Variants in NCKAP5L observed in about 807,000 individuals in gnomAD.
NCKAP5L encodes the protein NCK associated protein 5 like, also known as nck-associated protein 5-like.
In NCKAP5L, 54 loss-of-function variants were observed where a neutral mutation model predicts 103.2. The observed-to-expected ratio is 0.52, with a 90% confidence interval of 0.42 to 0.66. NCKAP5L has a LOEUF of 0.66. NCKAP5L is among the 30% of genes least tolerant of loss of function. The pLI is 0.00. For synonymous variants in NCKAP5L, 762 were observed against 748.6 expected (o/e 1.02, Z -0.29); for missense variants, 1,733 against 1,750.6 (o/e 0.99, Z 0.18).
intron 1 of NCKAP5L, among the ~76,000 whole-genome samples, chr12:49,822,575 G>T (rs1946373072): frequency 6.7e-6 from 1 of 149,880 alleles, no homozygotes; most frequent in African/African-American, 2.5e-5. Flanking sequence ...TTGAGACAGG[G>T]TCTCACTGTT....
chr12:49,798,520 C>T, intron 6 of NCKAP5L, 57 bp from the exon 7 acceptor site: 3 of 1,403,026 alleles, frequency 2.1e-6, no homozygotes, highest in Non-Finnish European at 3.0e-6. Context: ...CTCCCTACTC[C>T]CTCGCAAAGC....
intron 5 of NCKAP5L, 138 bp from the exon 6 acceptor site, chr12:49,802,105 T>C: frequency 1.0e-6 from 1 of 968,268 alleles, no homozygotes; most frequent in Non-Finnish European, 1.5e-6. Context: ...GCAACCTCCT[T>C]CTATGAGGAA....
At chr12:49,823,752 G>T (rs1346933230) in intron 1 of NCKAP5L, among the ~76,000 whole-genome samples, 1 of 152,114 alleles carries the variant, frequency 6.6e-6, no homozygotes, top group Non-Finnish European at 1.5e-5. Context: ...AGCTGCTGGT[G>T]CTGGGTTTTA....
Position 49,792,927 on chromosome 12 carries a change from G to A in NCKAP5L, c.3400C>T (p.His1134Tyr), listed in dbSNP as rs749948739. The A allele has an allele frequency of 1.2e-5, 19 of 1,555,312 alleles. No individual in the cohort carries two copies. The African/African-American group carries it at 2.4e-4, about 20-fold the overall frequency. ...TTGCTGGGGGTCCCACTGCTACCAT[G>A]GTCTGGGGGTGGGAAGGTCCCAATG... ...SGIGTFPPPD[H>Y]GSSGTPSKNL... The change falls in exon 11 of 13, where the codon CAT (histidine) becomes TAT (tyrosine). Residue 1134 changes from histidine (H) to tyrosine (Y), a missense_variant. His to Tyr is a moderately conservative substitution (Grantham distance 83). Transcript: ENST00000335999. This position sits in a 1 kb window ranked among gnomAD's most constrained non-coding sequence, Gnocchi z 4.5.
At position 49,796,543 on chromosome 12, in the gene NCKAP5L, AG is replaced by A; in HGVS notation, c.1316del (p.Pro439LeufsTer21). On this transcript the variant is annotated frameshift_variant, in exon 8 of 13. Transcript: ENST00000335999. LOFTEE classifies it high-confidence loss of function. The part of the protein sequence containing the change: ...QVKSKLQIGP[P>X]SPGEAQGPLL... ...GGGGTCCCTGAGCTTCCCCAGGAGA[AG>A]GGGGGCCAATTTGGAGCTTGCTTTT... 2.5e-6 allele frequency: 4 copies of A among 1,586,938 alleles called. No individual in the cohort carries two copies. Among genetic ancestry groups the A allele is most frequent in the South Asian group, 1.2e-5 (1 of 86,878 alleles).
intron 1 of NCKAP5L, among the ~76,000 whole-genome samples, chr12:49,818,131 T>C: frequency 6.7e-6 from 1 of 148,264 alleles, no homozygotes; most frequent in East Asian, 2.0e-4. Context: ...GGCTGTGTCT[T>C]GGAAAAAAAA....
chr12:49,810,977 C>A (rs1240488899), intron 1 of NCKAP5L, among the ~76,000 whole-genome samples: 1 of 152,056 alleles, frequency 6.6e-6, no homozygotes, highest in African/African-American at 2.4e-5. Flanking sequence ...AATGAACATG[C>A]TTAGTCTGTA....
chr12:49,800,270 C>T (rs1381295775), intron 6 of NCKAP5L, among the ~76,000 whole-genome samples: 1 of 152,250 alleles, frequency 6.6e-6, no homozygotes, highest in East Asian at 1.9e-4. Flanking sequence ...CCTCCCCACA[C>T]TGTCCCCTGG....
At chr12:49,814,666 C>G (rs2137031538) in intron 1 of NCKAP5L, among the ~76,000 whole-genome samples, 1 of 151,922 alleles carries the variant, frequency 6.6e-6, no homozygotes, top group South Asian at 2.1e-4. Context: ...TGTATAAATA[C>G]ATACTTAAAA....
rs550514590 is a variant in NCKAP5L, at chr12:49,796,564, G to A, written c.1296C>T (p.Ser432=). 1 of 1,601,058 alleles carries A rather than the reference G, an allele frequency of 6.2e-7. No individual in the cohort carries two copies. Residue 432 remains serine, a synonymous_variant, in exon 8 of 13, where the codon AGC becomes AGT. Coordinates refer to ENST00000335999, the MANE Select transcript of NCKAP5L (RefSeq NM_001037806.4). Reference sequence around the variant, plus strand: ...GAGAAGGGGGGCCAATTTGGAGCTTGCTTTTCACCTGAGATGAGGAATGGG... The same window carrying A: ...GAGAAGGGGGGCCAATTTGGAGCTTACTTTTCACCTGAGATGAGGAATGGG... ...GHPHSSSQVK[S]KLQIGPPSPG...
In NCKAP5L at chr12:49,796,651, G is replaced by C; in HGVS notation, c.1209C>G (p.Leu403=). 6.3e-7 allele frequency: 1 copy of C among 1,584,276 alleles called. No homozygotes were observed. Among genetic ancestry groups the C allele is most frequent in the Non-Finnish European group, 8.6e-7 (1 of 1,166,570 alleles). Reference sequence around the variant, plus strand: ...CACCCATGAACATGCTAAGGAAGGGGAGGGGCCCCTGGCCCTCTGAGGTAG... The same window carrying C: ...CACCCATGAACATGCTAAGGAAGGGCAGGGGCCCCTGGCCCTCTGAGGTAG... ...FGATSEGQGP[L]PFLSMFMGAG... The change falls in exon 8 of 13, where the codon CTC becomes CTG. Residue 403 remains leucine, a synonymous_variant. Transcript: ENST00000335999.
chr12:49,808,437 G>A (rs2137021846), intron 1 of NCKAP5L, among the ~76,000 whole-genome samples: 1 of 152,340 alleles, frequency 6.6e-6, no homozygotes, highest in South Asian at 2.1e-4. Flanking sequence ...ACGGGGAAGA[G>A]ACCTGCAGGA....
intron 2 of NCKAP5L, chr12:49,804,562 G>C (rs1442983200): frequency 2.6e-5 from 4 of 152,306 alleles, no homozygotes; most frequent in Admixed American, 2.6e-4. Flanking sequence ...CTGGGCATCG[G>C]TGATCCCCTG....
chr12:49,816,128 GA>G (rs1312736624), intron 1 of NCKAP5L, among the ~76,000 whole-genome samples: 15 of 152,092 alleles, frequency 9.9e-5, no homozygotes, highest in African/African-American at 3.6e-4. Flanking sequence ...TTGTGTTCTT[GA>G]ACATTCCCTG....
In NCKAP5L at chr12:49,796,680, C is replaced by T. The variant is rs376473771; in HGVS notation, c.1180G>A (p.Gly394Ser). 7.5e-5 allele frequency: 119 copies of T among 1,586,734 alleles called. No individual in the cohort carries two copies. Among genetic ancestry groups the T allele is most frequent in the Middle Eastern group, 6.8e-4 (4 of 5,922 alleles). Residue 394 changes from glycine (G) to serine (S), a missense_variant, in exon 8 of 13, where the codon GGT becomes AGT. Coordinates refer to ENST00000335999, the MANE Select transcript of NCKAP5L (RefSeq NM_001037806.4). ...GTPEAHRPGF[G>S]ATSEGQGPLP... The stretch of plus-strand genomic sequence containing the variant: ...GGCCCCTGGCCCTCTGAGGTAGCAC[C>T]GAAGCCTGGCCTGTGGGCCTCTGGG...
At chr12:49,809,771 G>A (rs1256162226) in intron 1 of NCKAP5L, among the ~76,000 whole-genome samples, 2 of 152,122 alleles carry the variant, frequency 1.3e-5, no homozygotes, top group Non-Finnish European at 2.9e-5. Flanking sequence ...CCTGAAAGGG[G>A]CCACTTAATC....
chr12:49,794,703 C>T lies in NCKAP5L; in HGVS notation c.3095+62G>A, dbSNP rs925625008. On this transcript the variant is annotated intron_variant, in intron 8 of 12. Coordinates refer to ENST00000335999, the MANE Select transcript of NCKAP5L (RefSeq NM_001037806.4). ...AGGCCTAGCTCCAGACGCAGGTGTG[C>T]CCACGAAGGGAAAAGTGCCCCAAGC... 3.1e-6 allele frequency: 4 copies of T among 1,296,216 alleles called. No homozygotes were observed. In the African/African-American group the frequency reaches 4.6e-5, roughly 15 times the overall value. The allele number at this position is 1,296,216 out of a possible 1,614,324, so 80.3% of individuals were successfully genotyped here. A position where few individuals can be genotyped will look rare whatever the true frequency, so the allele number is the denominator to read the frequency against.
At chr12:49,817,538 TGGAGG>T (rs757733959) in intron 1 of NCKAP5L, among the ~76,000 whole-genome samples, 1,561 of 152,186 alleles carry the variant, frequency 0.01, 11 homozygotes, top group South Asian at 0.027. Context: ...AGAACAAACT[TGGAGG>T]CATTACACTA....
chr12:49,810,249 C>G (rs1946224983), intron 1 of NCKAP5L, among the ~76,000 whole-genome samples: 1 of 152,158 alleles, frequency 6.6e-6, no homozygotes, highest in Non-Finnish European at 1.5e-5. Flanking sequence ...GGACCACACA[C>G]CAGGGGCTCT....
Sources: gnomAD v4.1 joint callset for allele counts (sites outside exome capture counted in the v4.1 genomes callset) on GRCh38, gnomAD v4.1.1 for gene constraint, Gnocchi (gnomAD v3.1) non-coding constraint, MANE v1.5 for transcripts, NCBI Gene and HGNC (gene_info 2026-07-23, HGNC 2026-07-21) for gene names.